The following ANO6 variants were observed in gnomAD, a reference collection of about 807,000 sequenced individuals.
The protein encoded by ANO6 is anoctamin 6.
ANO6 carries 106 observed loss-of-function variants against 117.5 expected under a neutral mutation model. That is an observed-to-expected ratio of 0.90 (90% confidence interval 0.77 to 1.06). The LOEUF (loss-of-function observed/expected upper bound fraction) is 1.06. Ranked by LOEUF, ANO6 falls within the 50% of genes least tolerant of loss-of-function variation. The pLI is 0.00. For synonymous variants in ANO6, 367 were observed against 385.1 expected (o/e 0.95, Z 0.55); for missense variants, 955 against 1,121.1 (o/e 0.85, Z 2.12).
At chr12:45,302,128 T>G (rs367938866) in intron 2 of ANO6, 35 bp downstream of exon 2, 1 of 1,586,364 alleles carries the variant, frequency 6.3e-7, no homozygotes, top group Non-Finnish European at 8.7e-7. Flanking sequence ...ATTTGTATTC[T>G]TAAGCTAAGA....
chr12:45,282,143 A>T, intron 1 of ANO6, among the ~76,000 whole-genome samples: 1 of 152,212 alleles, frequency 6.6e-6, no homozygotes, highest in East Asian at 1.9e-4. Context: ...GAAATATTGA[A>T]GAACAGCTTT....
At chr12:45,324,102 T>C (rs1940380945) in intron 2 of ANO6, among the ~76,000 whole-genome samples, 2 of 152,026 alleles carry the variant, frequency 1.3e-5, no homozygotes, top group Admixed American at 1.3e-4. Context: ...CACGCCTGGC[T>C]AATTTTGTAT....
At chr12:45,261,053 T>C (rs754008833) in intron 1 of ANO6, among the ~76,000 whole-genome samples, 18 of 152,056 alleles carry the variant, frequency 1.2e-4, no homozygotes, top group Admixed American at 1.3e-4. Flanking sequence ...ATCCTGGCCT[T>C]AAGTGATCCC....
intron 2 of ANO6, among the ~76,000 whole-genome samples, chr12:45,316,887 G>A (rs192103621): frequency 1.5e-4 from 23 of 148,478 alleles, no homozygotes; most frequent in African/African-American, 5.4e-4. Context: ...GAAAAGTATC[G>A]ACCTCAGAGT....
chr12:45,397,419 C>CTGT (rs1942649118), intron 12 of ANO6, among the ~76,000 whole-genome samples: 1 of 152,196 alleles, frequency 6.6e-6, no homozygotes, highest in Non-Finnish European at 1.5e-5. Context: ...TTGTGGAAGA[C>CTGT]TGTGTGGAGA....
At chr12:45,264,382 TCTCTTCATCTTGGC>T (rs1938146760) in intron 1 of ANO6, among the ~76,000 whole-genome samples, 2 of 152,246 alleles carry the variant, frequency 1.3e-5, no homozygotes, top group African/African-American at 4.8e-5. Context: ...AGTTGATTGT[TCTCTTCATCTTGGC>T]CTCTTTGTTT....
intron 1 of ANO6, among the ~76,000 whole-genome samples, chr12:45,275,835 G>A (rs569860405): frequency 6.6e-6 from 1 of 152,242 alleles, no homozygotes; most frequent in East Asian, 1.9e-4. Context: ...GGAATGTTGA[G>A]AATTCTTCAT....
intron 8 of ANO6, among the ~76,000 whole-genome samples, chr12:45,361,440 G>A (rs553706137): frequency 6.6e-6 from 1 of 152,212 alleles, no homozygotes; most frequent in South Asian, 2.1e-4. Flanking sequence ...AGTATTTTGG[G>A]TGGATTCCTT....
At chr12:45,403,585 A>G (rs750580524) in intron 15 of ANO6, 49 bp downstream of exon 15, 8 of 1,482,106 alleles carry the variant, frequency 5.4e-6, no homozygotes, top group African/African-American at 1.4e-5. Context: ...GGGATAGAAC[A>G]GCCCATCCAC....
At chr12:45,365,432 G>A (rs1422415279) in intron 8 of ANO6, among the ~76,000 whole-genome samples, 1 of 152,204 alleles carries the variant, frequency 6.6e-6, no homozygotes, top group South Asian at 2.1e-4. Context: ...GCCTCAAGCA[G>A]CTACAATGTA....
intron 1 of ANO6, among the ~76,000 whole-genome samples, chr12:45,285,319 A>C (rs1938872789): frequency 6.6e-6 from 1 of 152,216 alleles, no homozygotes; most frequent in African/African-American, 2.4e-5. Flanking sequence ...ATATAATTTT[A>C]AGTTACAGAA....
chr12:45,284,687 G>T (rs987235351), intron 1 of ANO6, among the ~76,000 whole-genome samples: 1 of 152,264 alleles, frequency 6.6e-6, no homozygotes, highest in East Asian at 1.9e-4. Flanking sequence ...GCCTTCACAC[G>T]TAAAATACCT....
chr12:45,279,106 T>A (rs960031118), intron 1 of ANO6, among the ~76,000 whole-genome samples: 5 of 152,160 alleles, frequency 3.3e-5, no homozygotes, highest in Admixed American at 6.5e-5. Flanking sequence ...AGAATACCTT[T>A]CAAGTCTTTT....
At chr12:45,350,614 A>C (rs973987769) in intron 6 of ANO6, 45 bp from the exon 7 acceptor site, 2 of 1,488,372 alleles carry the variant, frequency 1.3e-6, no homozygotes, top group Admixed American at 1.7e-5. Flanking sequence ...AGATTTGTGA[A>C]AACACGATGA....
chr12:45,402,097 G>A (rs1942806783), intron 13 of ANO6, 77 bp downstream of exon 13: 17 of 1,300,666 alleles, frequency 1.3e-5, no homozygotes, highest in Non-Finnish European at 1.9e-5. Context: ...TTATCTTTTA[G>A]GCGTTTCAAT....
chr12:45,403,835 G>A (rs1055067339), intron 15 of ANO6, among the ~76,000 whole-genome samples: 6 of 152,248 alleles, frequency 3.9e-5, no homozygotes, highest in East Asian at 1.9e-4. Context: ...CCCTTTGAGC[G>A]ACAGCACTGG....
chr12:45,364,652 T>G (rs182676435), intron 8 of ANO6, among the ~76,000 whole-genome samples: 66 of 152,334 alleles, frequency 4.3e-4, no homozygotes, highest in African/African-American at 1.6e-3. Context: ...AATTCCTATC[T>G]CTATTGATAT....
intron 1 of ANO6, among the ~76,000 whole-genome samples, chr12:45,242,909 A>G (rs905672647): frequency 6.6e-6 from 1 of 152,234 alleles, no homozygotes; most frequent in African/African-American, 2.4e-5. Flanking sequence ...AAAAGTATAC[A>G]ATAATTAATA....
intron 3 of ANO6, among the ~76,000 whole-genome samples, chr12:45,345,388 T>C (rs998543801): frequency 6.6e-6 from 1 of 152,178 alleles, no homozygotes; most frequent in Non-Finnish European, 1.5e-5. Flanking sequence ...GCACAGCAAC[T>C]CATCCCCACT....
Sources: gnomAD v4.1 joint callset for allele counts (sites outside exome capture counted in the v4.1 genomes callset) on GRCh38, gnomAD v4.1.1 for gene constraint, MANE v1.5 for transcripts, NCBI Gene and HGNC (gene_info 2026-07-23, HGNC 2026-07-21) for gene names.